CFAP95: variants seen among roughly 807,000 people sequenced by gnomAD.
CFAP95 encodes the protein cilia- and flagella-associated protein 95.
At chr9:69,900,316 A>G in the CFAP95 span, among the ~76,000 whole-genome samples, 1 of 152,100 alleles carries the variant, frequency 6.6e-6, no homozygotes, top group Non-Finnish European at 1.5e-5. Context: ...TTGCAGCAAC[A>G]AGAATGCAGC....
At chr9:69,882,542 C>A in the CFAP95 span, among the ~76,000 whole-genome samples, 3 of 152,058 alleles carry the variant, frequency 2.0e-5, no homozygotes, top group African/African-American at 7.2e-5. Context: ...ATAGGAAAGG[C>A]TTTCAGTTTT....
chr9:69,832,620 A>ATTTTTTTTTTTTTTTTTTTTTTTT, the CFAP95 span, among the ~76,000 whole-genome samples: 19 of 11,346 alleles, frequency 1.7e-3, 2 homozygotes, highest in Admixed American at 5.4e-3. Flanking sequence ...GTCTATTCGG[A>ATTTTTTTTTTTTTTTTTTTTTTTT]TTTTTTTTTT....
the CFAP95 span, among the ~76,000 whole-genome samples, chr9:69,902,802 C>T: frequency 9.2e-5 from 14 of 151,926 alleles, no homozygotes; most frequent in Middle Eastern, 3.4e-3. Flanking sequence ...TTTTGAATAC[C>T]TGCCTTGTTC....
the CFAP95 span, among the ~76,000 whole-genome samples, chr9:69,883,519 A>G: frequency 4.6e-5 from 7 of 152,078 alleles, no homozygotes; most frequent in African/African-American, 1.4e-4. Flanking sequence ...ATGAAAGTGA[A>G]CTTTAAAATG....
the CFAP95 span, among the ~76,000 whole-genome samples, chr9:69,822,727 C>A: frequency 6.6e-6 from 1 of 152,142 alleles, no homozygotes; most frequent in African/African-American, 2.4e-5. Context: ...CAGAAGAACA[C>A]AAATGAGAAG....
At chr9:69,844,018 T>A in the CFAP95 span, among the ~76,000 whole-genome samples, 1 of 152,304 alleles carries the variant, frequency 6.6e-6, no homozygotes, top group Non-Finnish European at 1.5e-5. Context: ...AGAACTGTTT[T>A]CTTCTACCTC....
chr9:69,843,322 G>A, the CFAP95 span, among the ~76,000 whole-genome samples: 1 of 151,908 alleles, frequency 6.6e-6, no homozygotes, highest in Non-Finnish European at 1.5e-5. Flanking sequence ...TCTGAGGGTT[G>A]CTTAGTCTTA....
the CFAP95 span, among the ~76,000 whole-genome samples, chr9:69,905,412 A>G: frequency 2.0e-5 from 3 of 152,196 alleles, no homozygotes; most frequent in South Asian, 2.1e-4. Context: ...TTTTATTACA[A>G]TGAAGCTTTT....
chr9:69,870,924 A>G, the CFAP95 span, among the ~76,000 whole-genome samples: 1 of 152,116 alleles, frequency 6.6e-6, no homozygotes, highest in Admixed American at 6.6e-5. Context: ...AGGATGTACA[A>G]AAAAGGCAGG....
the CFAP95 span, among the ~76,000 whole-genome samples, chr9:69,879,020 G>A: frequency 1.3e-5 from 2 of 152,108 alleles, no homozygotes; most frequent in African/African-American, 2.4e-5. Flanking sequence ...CTATTATGAC[G>A]ATGGCACCAG....
At chr9:69,824,867 G>A in the CFAP95 span, among the ~76,000 whole-genome samples, 50 of 152,172 alleles carry the variant, frequency 3.3e-4, no homozygotes, top group Non-Finnish European at 6.9e-4. Context: ...TGCTAATTGA[G>A]TGTTTGAGGC....
the CFAP95 span, among the ~76,000 whole-genome samples, chr9:69,897,982 A>G: frequency 0.58 from 88,113 of 151,964 alleles, 26,615 homozygotes; most frequent in Middle Eastern, 0.71. Context: ...GTTTTCCCCT[A>G]TGGTGATTCT....
chr9:69,830,083 C>T, the CFAP95 span, among the ~76,000 whole-genome samples: 1 of 152,166 alleles, frequency 6.6e-6, no homozygotes, highest in African/African-American at 2.4e-5. Context: ...TACTGTGTTT[C>T]CCCTCTCTCT....
chr9:69,875,321 A>T, the CFAP95 span, among the ~76,000 whole-genome samples: 1 of 152,138 alleles, frequency 6.6e-6, no homozygotes, highest in Admixed American at 6.5e-5. Flanking sequence ...TTGTTCCACA[A>T]TGCCTTTTTA....
the CFAP95 span, among the ~76,000 whole-genome samples, chr9:69,869,363 G>C: frequency 6.6e-6 from 1 of 152,148 alleles, no homozygotes; most frequent in African/African-American, 2.4e-5. Context: ...AGAAAGAAAA[G>C]TACTGCATAA....
the CFAP95 span, chr9:69,844,495 G>A: frequency 8.7e-6 from 13 of 1,488,970 alleles, no homozygotes; most frequent in South Asian, 4.9e-5. Context: ...ATCTCTTAAC[G>A]GACTCCTAAT....
At chr9:69,847,943 C>T in the CFAP95 span, among the ~76,000 whole-genome samples, 23 of 152,176 alleles carry the variant, frequency 1.5e-4, no homozygotes, top group East Asian at 4.1e-3. Context: ...CCTCATGTGC[C>T]GAAGTAAAGA....
the CFAP95 span, chr9:69,886,759 G>T: frequency 8.9e-6 from 9 of 1,008,816 alleles, no homozygotes; most frequent in Middle Eastern, 2.2e-4. Flanking sequence ...TTTATTTCAT[G>T]TAAAGTGTAT....
the CFAP95 span, among the ~76,000 whole-genome samples, chr9:69,861,200 T>C: frequency 6.6e-6 from 1 of 152,208 alleles, no homozygotes; most frequent in Non-Finnish European, 1.5e-5. Flanking sequence ...AAGGCAACAA[T>C]GTCAATAGAA....
Sources: gnomAD v4.1 joint callset for allele counts (sites outside exome capture counted in the v4.1 genomes callset) on GRCh38, gnomAD v4.1.1 for gene constraint, MANE v1.5 for transcripts, NCBI Gene and HGNC (gene_info 2026-07-23, HGNC 2026-07-21) for gene names.